The following AQP9 variants were observed in gnomAD, a reference collection of about 807,000 sequenced individuals.
The protein encoded by AQP9 is aquaporin 9.
In AQP9, 19 loss-of-function variants were observed where a neutral mutation model predicts 23.8. That is an observed-to-expected ratio of 0.80 (90% confidence interval 0.56 to 1.17). AQP9 has a LOEUF of 1.17. Among genes scored for constraint, AQP9 ranks in the 50% most tolerant of loss-of-function variants. The pLI is 0.00. For synonymous variants in AQP9, 153 were observed against 131.5 expected, an observed-to-expected ratio of 1.16 and a Z score of -1.12; for missense variants, 413 against 362.0, an observed-to-expected ratio of 1.14 and a Z score of -1.14.
intron 1 of AQP9, among the ~76,000 whole-genome samples, chr15:58,158,321 G>T (rs2140605605): frequency 6.6e-6 from 1 of 152,196 alleles, no homozygotes; most frequent in East Asian, 1.9e-4. Context: ...AAAAGTTCGG[G>T]CCTCTGACTA....
At chr15:58,160,101 C>G (rs2140608329) in intron 1 of AQP9, among the ~76,000 whole-genome samples, 1 of 152,234 alleles carries the variant, frequency 6.6e-6, no homozygotes, top group East Asian at 1.9e-4. Flanking sequence ...TCCATAGTGG[C>G]TATATTAGTT....
At chr15:58,173,902 T>C (rs1386141875) in intron 3 of AQP9, among the ~76,000 whole-genome samples, 1 of 152,176 alleles carries the variant, frequency 6.6e-6, no homozygotes, top group African/African-American at 2.4e-5. Context: ...TCCTTCCTTC[T>C]AACCCAAGGT....
rs1035567380 is a variant in AQP9, at chr15:58,142,093, C to T, written c.111+3417C>T. On this transcript the variant is annotated intron_variant, in intron 1 of 5. Coordinates refer to ENST00000219919, the MANE Select transcript of AQP9 (RefSeq NM_020980.5). Reference sequence around the variant, plus strand: ...TGATGTAATCATGCATCCCGGGAATCAGCCCAGAGCCCAGTTGCCCTGCCC... The same window carrying T: ...TGATGTAATCATGCATCCCGGGAATTAGCCCAGAGCCCAGTTGCCCTGCCC... Among the ~76,000 whole-genome samples, 6 of 152,298 alleles carry T rather than the reference C, an allele frequency of 3.9e-5. No individual in the cohort carries two copies. In the East Asian group the frequency reaches 1.2e-3, roughly 30 times the overall value.
chr15:58,172,492 T>A (rs35140427), intron 2 of AQP9, among the ~76,000 whole-genome samples: 4,275 of 152,322 alleles, frequency 0.028, 84 homozygotes, highest in Non-Finnish European at 0.041. Flanking sequence ...AGGAGAGAAA[T>A]GCATTGTTTA....
At chr15:58,158,550 A>C (rs1192443604) in intron 1 of AQP9, among the ~76,000 whole-genome samples, 8 of 152,218 alleles carry the variant, frequency 5.3e-5, no homozygotes, top group African/African-American at 1.7e-4. Context: ...GAATGAACTA[A>C]ATAGAGGGTA....
At chr15:58,141,127 T>C (rs1897943978) in intron 1 of AQP9, among the ~76,000 whole-genome samples, 1 of 152,178 alleles carries the variant, frequency 6.6e-6, no homozygotes, top group Non-Finnish European at 1.5e-5. Context: ...GGGGGGAAAG[T>C]TTGCAATGCA....
At chr15:58,176,039 GC>G (rs1231069462) in intron 4 of AQP9, among the ~76,000 whole-genome samples, 5 of 152,186 alleles carry the variant, frequency 3.3e-5, no homozygotes, top group Non-Finnish European at 5.9e-5. Flanking sequence ...CGTGGCTTCA[GC>G]AAAGTACTGA....
chr15:58,173,638 C>T (rs1170229343), intron 3 of AQP9, among the ~76,000 whole-genome samples: 23 of 151,982 alleles, frequency 1.5e-4, no homozygotes, highest in African/African-American at 5.3e-4. Flanking sequence ...TGGGTGGGAG[C>T]CTCATTGCCC....
chr15:58,164,592 G>A (rs1430843197), intron 1 of AQP9, among the ~76,000 whole-genome samples: 4 of 152,042 alleles, frequency 2.6e-5, no homozygotes, highest in Non-Finnish European at 5.9e-5. Context: ...ATGGACTCAG[G>A]GGATTTTTTT....
intron 3 of AQP9, among the ~76,000 whole-genome samples, 166 bp downstream of exon 3, chr15:58,173,371 T>C (rs1188333055): frequency 1.6e-4 from 25 of 152,150 alleles, no homozygotes; most frequent in Non-Finnish European, 2.1e-4. Context: ...TTCCAGCAAA[T>C]TCGTGAATCC....
intron 5 of AQP9, among the ~76,000 whole-genome samples, chr15:58,180,079 C>T (rs549199043): frequency 9.2e-5 from 14 of 152,286 alleles, no homozygotes; most frequent in African/African-American, 1.7e-4. Flanking sequence ...TGAGGAAATA[C>T]GCCAACTGTT....
intron 1 of AQP9, among the ~76,000 whole-genome samples, chr15:58,140,066 G>T: frequency 6.6e-6 from 1 of 152,054 alleles, no homozygotes; most frequent in East Asian, 1.9e-4. Context: ...TGACAATCTG[G>T]CCCCAAAGAA....
chr15:58,168,003 G>A (rs1898544695), intron 2 of AQP9, among the ~76,000 whole-genome samples: 1 of 152,034 alleles, frequency 6.6e-6, no homozygotes, highest in South Asian at 2.1e-4. Flanking sequence ...GGGATTACAA[G>A]TGTAAGCCAC....
chr15:58,147,998 A>G (rs1430779320), intron 1 of AQP9, among the ~76,000 whole-genome samples: 2 of 152,176 alleles, frequency 1.3e-5, no homozygotes, highest in African/African-American at 4.8e-5. Flanking sequence ...AATAATATTT[A>G]AAATCTGGGG....
intron 1 of AQP9, 111 bp downstream of exon 1, chr15:58,138,787 A>G (rs1897902689): frequency 1.1e-6 from 1 of 888,390 alleles, no homozygotes; most frequent in Non-Finnish European, 1.8e-6. Context: ...TTGGGATCAG[A>G]TTCATCTTTT....
At chr15:58,140,649 G>T (rs1948781416) in intron 1 of AQP9, among the ~76,000 whole-genome samples, 2 of 152,158 alleles carry the variant, frequency 1.3e-5, no homozygotes, top group African/African-American at 4.8e-5. Context: ...TAGAGAATGT[G>T]CATTTTGCCT....
At chr15:58,142,167 G>C (rs1897962585) in intron 1 of AQP9, among the ~76,000 whole-genome samples, 1 of 152,166 alleles carries the variant, frequency 6.6e-6, no homozygotes, top group South Asian at 2.1e-4. Flanking sequence ...CCCTTGAGCA[G>C]CACAGAGTGT....
At chr15:58,152,112 A>G (rs539078774) in intron 1 of AQP9, 31 of 152,276 alleles carry the variant, frequency 2.0e-4, no homozygotes, top group African/African-American at 6.5e-4. Context: ...CATCTTTACT[A>G]TTCTGCATAG....
At chr15:58,165,335 C>G (rs1400721514) in intron 1 of AQP9, among the ~76,000 whole-genome samples, 1 of 152,134 alleles carries the variant, frequency 6.6e-6, no homozygotes, top group African/African-American at 2.4e-5. Context: ...ATGGTTTTAA[C>G]TGATTATTCA....
Sources: gnomAD v4.1 joint callset for allele counts (sites outside exome capture counted in the v4.1 genomes callset) on GRCh38, gnomAD v4.1.1 for gene constraint, MANE v1.5 for transcripts, NCBI Gene and HGNC (gene_info 2026-07-23, HGNC 2026-07-21) for gene names.